Variants in TRPM3 observed in about 807,000 individuals in gnomAD.
TRPM3 encodes the protein long transient receptor potential channel 3.
TRPM3 carries 77 observed loss-of-function variants against 181.2 expected under a neutral mutation model. That is an observed-to-expected ratio of 0.42 (90% confidence interval 0.35 to 0.51). TRPM3 has a LOEUF of 0.51. Ranked by LOEUF, TRPM3 falls within the 20% of genes least tolerant of loss-of-function variation. The pLI is 0.01. For missense variants in TRPM3, 1,759 were observed against 2,196.7 expected, an observed-to-expected ratio of 0.80 and a Z score of 3.98; for synonymous variants, 745 against 796.4, an observed-to-expected ratio of 0.94 and a Z score of 1.09.
chr9:71,301,260 G>A (rs1014537488), intron 1 of TRPM3, among the ~76,000 whole-genome samples: 9 of 152,130 alleles, frequency 5.9e-5, no homozygotes, highest in Non-Finnish European at 8.8e-5. Context: ...CCCAAAGAAT[G>A]TTTGGGGACC....
intron 25 of TRPM3, among the ~76,000 whole-genome samples, chr9:70,545,548 CTT>C (rs5898150): frequency 8.8e-5 from 10 of 113,340 alleles, no homozygotes; most frequent in Admixed American, 2.1e-4. Flanking sequence ...AATTTTCTTT[CTT>C]TTTTTTTTTT....
At chr9:71,333,937 A>G (rs1219369407) in intron 1 of TRPM3, among the ~76,000 whole-genome samples, 1 of 151,862 alleles carries the variant, frequency 6.6e-6, no homozygotes, top group African/African-American at 2.4e-5. Flanking sequence ...GAGGAAAATA[A>G]CACATCTGAA....
rs142471191 is a variant in TRPM3, at chr9:70,874,020, A to G, written c.178-9509T>C. On this transcript the variant is annotated intron_variant, in intron 1 of 25. Coordinates refer to ENST00000677713, the MANE Select transcript of TRPM3 (RefSeq NM_001366145.2). ...TATAGCCTCTAAACTTAAATCATATACACCTTAACATAATGTTAGGTTAGA... is the reference window on the plus strand; with the variant it reads ...TATAGCCTCTAAACTTAAATCATATGCACCTTAACATAATGTTAGGTTAGA... 5.3e-5 allele frequency among the ~76,000 whole-genome samples: 8 copies of G among 151,998 alleles called. No homozygotes were observed. The East Asian group carries it at 1.6e-3, about 30-fold the overall frequency.
At chr9:70,834,927 G>C (rs746160457) in intron 5 of TRPM3, among the ~76,000 whole-genome samples, 1 of 152,210 alleles carries the variant, frequency 6.6e-6, no homozygotes, top group Non-Finnish European at 1.5e-5. Flanking sequence ...ATGTTGAAAT[G>C]TAATCCCCAA....
chr9:70,757,415 G>A (rs528249848), intron 8 of TRPM3, among the ~76,000 whole-genome samples: 160 of 152,250 alleles, frequency 1.1e-3, no homozygotes, highest in Non-Finnish European at 1.9e-3. Context: ...ACAAAGAGGA[G>A]CTGGTACCAT....
intron 1 of TRPM3, among the ~76,000 whole-genome samples, chr9:71,316,388 C>T (rs992751053): frequency 1.3e-5 from 2 of 152,070 alleles, no homozygotes; most frequent in African/African-American, 4.8e-5. Context: ...CAAAGATGTC[C>T]ATGTTTTAAT....
At chr9:70,860,102 A>G (rs1364409899) in intron 3 of TRPM3, among the ~76,000 whole-genome samples, 1 of 152,214 alleles carries the variant, frequency 6.6e-6, no homozygotes, top group African/African-American at 2.4e-5. Context: ...TGTTACTTTT[A>G]TAAGTAGCTA....
chr9:71,291,857 C>A (rs1232132241), intron 1 of TRPM3, among the ~76,000 whole-genome samples: 2 of 152,034 alleles, frequency 1.3e-5, no homozygotes, highest in African/African-American at 4.8e-5. Context: ...AAACCAGTAA[C>A]AGAAGACTTC....
intron 22 of TRPM3, among the ~76,000 whole-genome samples, chr9:70,563,879 C>A (rs2049820524): frequency 6.6e-6 from 1 of 152,214 alleles, no homozygotes; most frequent in South Asian, 2.1e-4. Flanking sequence ...TCAGCTCACG[C>A]ATGTCGTGCT....
At chr9:70,806,406 GT>G in intron 6 of TRPM3, among the ~76,000 whole-genome samples, 1 of 152,278 alleles carries the variant, frequency 6.6e-6, no homozygotes, top group East Asian at 1.9e-4. Flanking sequence ...AGGTTAACAA[GT>G]TTTTGGCCGG....
chr9:70,747,496 A>T (rs759824117), intron 8 of TRPM3, among the ~76,000 whole-genome samples: 2 of 152,186 alleles, frequency 1.3e-5, no homozygotes, highest in Non-Finnish European at 2.9e-5. Context: ...AAAACATTCT[A>T]CTTTACGTTC....
chr9:70,862,877 T>C (rs1337092166), intron 3 of TRPM3, 31 bp downstream of exon 3: 2 of 1,608,414 alleles, frequency 1.2e-6, no homozygotes, highest in Admixed American at 3.3e-5. Flanking sequence ...TGAGATAGCA[T>C]TTGGGAGCAA....
At chr9:71,120,856 C>T (rs1369403197) in intron 1 of TRPM3, among the ~76,000 whole-genome samples, 1 of 152,150 alleles carries the variant, frequency 6.6e-6, no homozygotes, top group Non-Finnish European at 1.5e-5. Flanking sequence ...ACTATTCCCA[C>T]CCTCCCAAAG....
chr9:70,892,474 T>C (rs1336669626), intron 1 of TRPM3, among the ~76,000 whole-genome samples: 1 of 152,114 alleles, frequency 6.6e-6, no homozygotes, highest in Non-Finnish European at 1.5e-5. Flanking sequence ...ACATTTATTA[T>C]CTTGAAAGAA....
chr9:71,096,590 A>ACTCTCTCTCTCTCTCTCTCTCTCTCTCT (rs71367255), intron 1 of TRPM3, among the ~76,000 whole-genome samples: 2 of 90,042 alleles, frequency 2.2e-5, no homozygotes, highest in Admixed American at 1.4e-4. Context: ...ACACACACAC[A>ACTCTCTCTCTCTCTCTCTCTCTCTCTCT]CTCTCTCTCT....
At chr9:70,788,651 T>C (rs571495686) in intron 6 of TRPM3, among the ~76,000 whole-genome samples, 1 of 152,232 alleles carries the variant, frequency 6.6e-6, no homozygotes, top group South Asian at 2.1e-4. Flanking sequence ...TATTATTACA[T>C]TGTAATATAT....
intron 8 of TRPM3, among the ~76,000 whole-genome samples, chr9:70,758,398 A>G (rs1191881837): frequency 6.6e-6 from 1 of 152,248 alleles, no homozygotes; most frequent in Non-Finnish European, 1.5e-5. Flanking sequence ...GAAAATAGTC[A>G]TACTGCCAAA....
chr9:70,914,151 C>T (rs1427472686), intron 1 of TRPM3, among the ~76,000 whole-genome samples: 1 of 152,282 alleles, frequency 6.6e-6, no homozygotes, highest in East Asian at 1.9e-4. Context: ...GAGCTCCTTC[C>T]TCATGAATGG....
chr9:70,976,849 A>T (rs1437656809), intron 1 of TRPM3, among the ~76,000 whole-genome samples: 3 of 152,154 alleles, frequency 2.0e-5, no homozygotes, highest in Admixed American at 1.3e-4. Flanking sequence ...AGTGGTAGTT[A>T]TTAATGGAGT....
Sources: gnomAD v4.1 joint callset for allele counts (sites outside exome capture counted in the v4.1 genomes callset) on GRCh38, gnomAD v4.1.1 for gene constraint, MANE v1.5 for transcripts, NCBI Gene and HGNC (gene_info 2026-07-23, HGNC 2026-07-21) for gene names.